The following CUBN variants were observed in gnomAD, a reference collection of about 807,000 sequenced individuals.
The protein encoded by CUBN is 460 kDa receptor.
A neutral mutation model predicts 405.3 loss-of-function variants in CUBN; 282 were observed. The observed-to-expected ratio is 0.70, with a 90% CI of 0.63 to 0.77. The LOEUF (loss-of-function observed/expected upper bound fraction) is 0.77. CUBN is among the 30% of genes least tolerant of loss of function. The pLI is 0.00. For synonymous variants in CUBN, 1,684 were observed against 1,617.0 expected, an observed-to-expected ratio of 1.04 and a Z score of -0.99; for missense variants, 4,514 against 4,475.2, an observed-to-expected ratio of 1.01 and a Z score of -0.25.
chr10:17,007,957 C>T (rs1219947251), intron 28 of CUBN, among the ~76,000 whole-genome samples: 1 of 152,054 alleles, frequency 6.6e-6, no homozygotes, highest in East Asian at 1.9e-4. Context: ...GAGTTTGAGA[C>T]CAGCCTGGAA....
chr10:16,884,892 C>G (rs1403841331), intron 56 of CUBN, among the ~76,000 whole-genome samples: 1 of 151,922 alleles, frequency 6.6e-6, no homozygotes, highest in East Asian at 1.9e-4. Flanking sequence ...TAAGTCAACA[C>G]TGGCTCTGCT....
intron 22 of CUBN, among the ~76,000 whole-genome samples, chr10:17,049,033 T>C (rs1835200879): frequency 6.6e-6 from 1 of 152,210 alleles, no homozygotes; most frequent in Admixed American, 6.5e-5. Context: ...CACCAAAGAT[T>C]ATGTTTAACT....
intron 57 of CUBN, among the ~76,000 whole-genome samples, chr10:16,875,086 G>T (rs1033335320): frequency 6.6e-6 from 1 of 151,952 alleles, no homozygotes; most frequent in Non-Finnish European, 1.5e-5. Context: ...TGTGAGACTG[G>T]TAAGGACTAA....
At chr10:16,950,133 T>A in intron 33 of CUBN, 22 bp from the exon 34 acceptor site, 1 of 1,563,416 alleles carries the variant, frequency 6.4e-7, no homozygotes, top group Non-Finnish European at 8.8e-7. Flanking sequence ...AAGAGAAGAC[T>A]CTCTCGTAAA....
At chr10:17,034,198 A>C (rs961792891) in intron 27 of CUBN, among the ~76,000 whole-genome samples, 1 of 152,200 alleles carries the variant, frequency 6.6e-6, no homozygotes, top group South Asian at 2.1e-4. Context: ...GGAATAAGGA[A>C]ATGATTTAAT....
chr10:17,125,577 T>G (rs1186702447), intron 4 of CUBN, among the ~76,000 whole-genome samples: 1 of 152,162 alleles, frequency 6.6e-6, no homozygotes, highest in East Asian at 1.9e-4. Context: ...AGCAACACTG[T>G]CTGGGGACTA....
intron 60 of CUBN, among the ~76,000 whole-genome samples, chr10:16,847,010 C>T (rs991545167): frequency 1.3e-5 from 2 of 151,944 alleles, no homozygotes; most frequent in South Asian, 4.2e-4. Context: ...TTGTAAATTC[C>T]AGCTCAGCCA....
At chr10:16,899,815 C>T (rs141641316) in intron 53 of CUBN, among the ~76,000 whole-genome samples, 1,540 of 152,306 alleles carry the variant, frequency 0.01, 31 homozygotes, top group African/African-American at 0.035. Context: ...AAACTCCCTT[C>T]TCACTTCAAT....
chr10:16,985,313 G>A (rs563304324), intron 29 of CUBN, among the ~76,000 whole-genome samples: 7 of 152,324 alleles, frequency 4.6e-5, no homozygotes, highest in South Asian at 2.1e-4. Flanking sequence ...GCATCTGAAC[G>A]TTGAGAGGAG....
intron 17 of CUBN, among the ~76,000 whole-genome samples, chr10:17,082,688 C>G (rs1465296915): frequency 6.6e-6 from 1 of 152,154 alleles, no homozygotes; most frequent in Non-Finnish European, 1.5e-5. Context: ...AGACCTTCCT[C>G]CCTATGGAAG....
rs368770839 is a variant in CUBN at position 16,967,773 on chromosome 10, GAGAA to G, written c.4696-13229_4696-13226del. Among the ~76,000 whole-genome samples the G allele has an allele frequency of 2.4e-4, 36 of 150,276 alleles. 1 individual carries two copies. The South Asian group carries it at 7.7e-3, about 32-fold the overall frequency. On this transcript the variant is annotated intron_variant, in intron 31 of 66. Transcript: ENST00000377833. ...AGGGAAAGATAAGAAGAGAAGGAGGGAGAAAGAGAGAGAAGGAGAGACGGAGAGA... is the reference window on the plus strand; with the variant it reads ...AGGGAAAGATAAGAAGAGAAGGAGGGAGAGAGAGAAGGAGAGACGGAGAGA...
At chr10:17,065,685 T>A in intron 21 of CUBN, 47 bp from the exon 22 acceptor site, 1 of 1,610,014 alleles carries the variant, frequency 6.2e-7, no homozygotes, top group Middle Eastern at 1.7e-4. Flanking sequence ...TAGTTTGGTA[T>A]ACTGAAAATG....
rs562656282 is a variant in CUBN at position 16,936,436 on chromosome 10, AC to A, written c.5926+1155del. On this transcript the variant is annotated intron_variant, in intron 39 of 66. Coordinates refer to ENST00000377833, the MANE Select transcript of CUBN (RefSeq NM_001081.4). ...GCACCTTATTAGAGAGGTAGGAACA[AC>A]ATTTCAGAATGGAATACTAAGGGAC... 6.2e-3 allele frequency among the ~76,000 whole-genome samples: 945 copies of A among 152,342 alleles called. 6 individuals are homozygous for A. The highest frequency in any genetic ancestry group is 8.5e-3 in the Non-Finnish European group (580 of 68,028).
rs76936968 is a variant in CUBN, at chr10:16,896,975, T to C, written c.8598+2021A>G. Among the ~76,000 whole-genome samples the C allele has an allele frequency of 4.6e-3, 702 of 152,368 alleles. 4 individuals carry two copies. The highest frequency in any genetic ancestry group is 7.5e-3 in the Non-Finnish European group (507 of 68,038). ...GCCTATTCAGCATGTTCTTTATTTA[T>C]GTTAGTGTATTTTTCAGTTCTATAA... On this transcript the variant is annotated intron_variant, in intron 54 of 66. Coordinates refer to ENST00000377833, the MANE Select transcript of CUBN (RefSeq NM_001081.4).
At position 16,913,870 on chromosome 10, in the gene CUBN, G is replaced by A; in HGVS notation, c.7474C>T (p.Leu2492=). ...ITAPEGRRIT[L]MFNNLRLATH... ...GCCAGCCTCAGGTTGTTAAACATTA[G>A]GGTGATCCGCCTTCCCTCCGGGGCA... is the stretch of plus-strand genomic sequence containing the variant. The change falls in exon 48 of 67, where the codon CTA becomes TTA. Residue 2492 remains leucine (L), a synonymous_variant. Transcript: ENST00000377833. 6.2e-7 allele frequency: 1 copy of A among 1,614,114 alleles called. No homozygotes were observed. Among genetic ancestry groups the A allele is most frequent in the Non-Finnish European group, 8.5e-7 (1 of 1,180,022 alleles).
At chr10:16,965,276 A>G (rs1007765968) in intron 31 of CUBN, among the ~76,000 whole-genome samples, 1 of 152,226 alleles carries the variant, frequency 6.6e-6, no homozygotes, top group Admixed American at 6.5e-5. Context: ...CTCAGTGCAC[A>G]GCGTGCGCTT....
rs867105518 is a variant in CUBN at position 17,056,713 on chromosome 10, T to C, written c.3139+8795A>G. Among the ~76,000 whole-genome samples the C allele has an allele frequency of 3.1e-4, 47 of 152,038 alleles. 1 individual carries two copies. Among genetic ancestry groups the C allele is most frequent in the Admixed American group, 1.4e-3 (21 of 15,268 alleles). The stretch of plus-strand genomic sequence containing the variant: ...CAAAATGCACTAACCATAAAAGGGA[T>C]AAAAGGATATATTGAACTTCTGTTC... On this transcript the variant is annotated intron_variant, in intron 22 of 66. Coordinates refer to ENST00000377833, the MANE Select transcript of CUBN (RefSeq NM_001081.4).
At chr10:17,107,204 T>C (rs529924690) in intron 10 of CUBN, among the ~76,000 whole-genome samples, 1 of 152,200 alleles carries the variant, frequency 6.6e-6, no homozygotes, top group South Asian at 2.1e-4. Flanking sequence ...AGGTTAAAAA[T>C]ACTCGTCATA....
rs373632266 is a variant in CUBN at position 16,907,718 on chromosome 10, A to G, written c.7534-39T>C. On this transcript the variant is annotated intron_variant, in intron 48 of 66. Transcript: ENST00000377833. ...AGTTTAACCTTCAGGCACACAATCC[A>G]TCTTACTGCATATTTCCTAGGAGGT... 4.3e-5 allele frequency: 69 copies of G among 1,599,180 alleles called. No homozygotes were observed. The African/African-American group carries it at 8.0e-4, about 19-fold the overall frequency.
Sources: gnomAD v4.1 joint callset for allele counts (sites outside exome capture counted in the v4.1 genomes callset) on GRCh38, gnomAD v4.1.1 for gene constraint, MANE v1.5 for transcripts, NCBI Gene and HGNC (gene_info 2026-07-23, HGNC 2026-07-21) for gene names.